APBB2: variants seen among roughly 807,000 people sequenced by gnomAD.
APBB2 encodes Fe65-like 1.
APBB2 carries 38 observed loss-of-function variants against 82.5 expected under a neutral mutation model. The observed-to-expected ratio is 0.46, with a 90% CI of 0.36 to 0.60. APBB2 has a LOEUF of 0.60. APBB2 is among the 20% of genes least tolerant of loss of function. The pLI, the probability that APBB2 is intolerant of heterozygous loss-of-function variation, is 0.00. For synonymous variants in APBB2, 341 were observed against 368.2 expected, an observed-to-expected ratio of 0.93 and a Z score of 0.85; for missense variants, 772 against 972.3, an observed-to-expected ratio of 0.79 and a Z score of 2.74.
chr4:40,921,820 A>G (rs1443709512), intron 10 of APBB2, among the ~76,000 whole-genome samples: 1 of 152,176 alleles, frequency 6.6e-6, no homozygotes, highest in Non-Finnish European at 1.5e-5. Context: ...ACACGGGTCC[A>G]TTTTCCAGCT....
rs59722049 is a variant in APBB2 at position 41,064,827 on chromosome 4, G to A, written c.-51+749C>T. ...CCCTCCCTAATACATATTAAACAGA[G>A]ACATACCCAGGGGACCTCTCTTCTG... On this transcript the variant is annotated intron_variant, in intron 4 of 17. Coordinates refer to ENST00000508593, the MANE Select transcript of APBB2 (RefSeq NM_004307.2). Among the ~76,000 whole-genome samples, 1,375 of 152,250 alleles carry A rather than the reference G, an allele frequency of 9.0e-3. 27 individuals are homozygous for A. Among genetic ancestry groups the A allele is most frequent in the African/African-American group, 0.032 (1,312 of 41,530 alleles).
chr4:40,988,637 CAAAAA>C (rs1310590730), intron 6 of APBB2, among the ~76,000 whole-genome samples: 1 of 30,660 alleles, frequency 3.3e-5, no homozygotes, highest in Non-Finnish European at 5.9e-5. Flanking sequence ...GACTCCGTCT[CAAAAA>C]AAAAAAAAAA....
rs113572067 is a variant in APBB2 at position 40,828,580 on chromosome 4, A to AT, written c.1645-1362_1645-1361insA. Among the ~76,000 whole-genome samples, 215 of 152,052 alleles carry AT rather than the reference A, an allele frequency of 1.4e-3. 3 individuals carry two copies. In the East Asian group the frequency reaches 0.02, roughly 14 times the overall value. On this transcript the variant is annotated intron_variant, in intron 13 of 17. Transcript: ENST00000508593. ...GAATATAAGCTCCATAAGGGCAAGG[A>AT]CTTTTTTTTTTCTGTTTTGGTCATT...
intron 6 of APBB2, among the ~76,000 whole-genome samples, chr4:41,012,229 T>C (rs1171936884): frequency 6.6e-6 from 1 of 152,168 alleles, no homozygotes; most frequent in East Asian, 1.9e-4. Flanking sequence ...AAGGGTGCCA[T>C]GACCAGAGGG....
intron 10 of APBB2, among the ~76,000 whole-genome samples, chr4:40,899,839 C>G (rs1370764848): frequency 6.6e-6 from 1 of 152,064 alleles, no homozygotes; most frequent in African/African-American, 2.4e-5. Flanking sequence ...CCAGGTGGGG[C>G]AGGGGATGCA....
At chr4:40,820,742 G>T (rs1747577193) in intron 17 of APBB2, among the ~76,000 whole-genome samples, 2 of 152,044 alleles carry the variant, frequency 1.3e-5, no homozygotes, top group South Asian at 4.2e-4. Context: ...AGAAAATCAG[G>T]CCCCCACACG....
At chr4:41,162,670 A>G (rs1381259567) in intron 1 of APBB2, among the ~76,000 whole-genome samples, 5 of 152,130 alleles carry the variant, frequency 3.3e-5, no homozygotes, top group African/African-American at 1.2e-4. Context: ...CCTGGGCAAC[A>G]TGGCAAGACC....
chr4:40,837,533 A>G (rs1399821338), intron 12 of APBB2, among the ~76,000 whole-genome samples: 1 of 152,142 alleles, frequency 6.6e-6, no homozygotes, highest in Non-Finnish European at 1.5e-5. Flanking sequence ...AGTTTTTCCA[A>G]CAGCTTCTAG....
At chr4:41,149,098 C>T (rs559307169) in intron 1 of APBB2, among the ~76,000 whole-genome samples, 35 of 152,168 alleles carry the variant, frequency 2.3e-4, no homozygotes, top group Middle Eastern at 3.4e-3. Flanking sequence ...ATATGAAGGG[C>T]GCTCTGAGGT....
chr4:41,045,395 G>A (rs534048303), intron 4 of APBB2, among the ~76,000 whole-genome samples: 8 of 152,114 alleles, frequency 5.3e-5, no homozygotes, highest in East Asian at 3.9e-4. Flanking sequence ...CCATGTTCAC[G>A]CCATTCTCCT....
At chr4:40,898,823 A>C (rs2154355726) in intron 10 of APBB2, among the ~76,000 whole-genome samples, 1 of 148,310 alleles carries the variant, frequency 6.7e-6, no homozygotes, top group African/African-American at 2.5e-5. Flanking sequence ...CATCTCAAAA[A>C]AAAAAGAAAG....
chr4:40,893,104 T>C, intron 11 of APBB2, 161 bp downstream of exon 11: 1 of 771,712 alleles, frequency 1.3e-6, no homozygotes, highest in South Asian at 2.1e-5. Context: ...AAGGGATCAG[T>C]CACACGGGGG....
At chr4:41,208,415 C>T (rs1225169186) in intron 1 of APBB2, among the ~76,000 whole-genome samples, 1 of 152,134 alleles carries the variant, frequency 6.6e-6, no homozygotes, top group Non-Finnish European at 1.5e-5. Context: ...GCGTGTGCCA[C>T]CATGCCCGGC....
intron 6 of APBB2, among the ~76,000 whole-genome samples, chr4:40,994,356 C>T (rs563962594): frequency 6.0e-5 from 9 of 151,046 alleles, no homozygotes; most frequent in Non-Finnish European, 8.8e-5. Flanking sequence ...CTAGCTGCAA[C>T]GAGATTTTCT....
Position 41,193,608 on chromosome 4 carries a change from C to T in APBB2, c.-417+20797G>A. ...GTCAGTGAGCTTAACATGTTCCTTG[C>T]GGAGGCTGCTGTTTTCTGCATTATT... On this transcript the variant is annotated intron_variant, in intron 1 of 17. Transcript: ENST00000508593. 57 of 980,128 alleles carry T rather than the reference C, an allele frequency of 5.8e-5. 1 individual carries two copies. The Admixed American group carries it at 9.2e-4, about 16-fold the overall frequency. 60.7% of individuals were successfully genotyped at this position (980,128 alleles called of 1,614,324 possible). A position where few individuals can be genotyped will look rare whatever the true frequency, so the allele number is the denominator to read the frequency against.
At position 41,013,802 on chromosome 4, in the gene APBB2, A is replaced by G. The variant is rs1809086570; in HGVS notation, c.616T>C (p.Leu206=). The part of the protein sequence containing the change: ...QASTIIGNGD[L]LLQKPNRPQS... ...GGTCTGTTTGGTTTCTGCAGCAGCA[A>G]ATCGCCATTCCCAATGATGGTGGAG... Residue 206 remains leucine, a synonymous_variant, in exon 6 of 18, where the codon TTG becomes CTG. Coordinates refer to ENST00000508593, the MANE Select transcript of APBB2 (RefSeq NM_004307.2). The G allele has an allele frequency of 6.2e-7, 1 of 1,614,186 alleles. No homozygotes were observed. Among genetic ancestry groups the G allele is most frequent in the Non-Finnish European group, 8.5e-7 (1 of 1,180,030 alleles).
chr4:41,081,325 T>A (rs1382557190), intron 3 of APBB2, among the ~76,000 whole-genome samples: 1 of 152,060 alleles, frequency 6.6e-6, no homozygotes, highest in Non-Finnish European at 1.5e-5. Context: ...TACAATCTAA[T>A]CACCACAGCT....
chr4:41,065,286 A>G (rs1731318793), intron 4 of APBB2, among the ~76,000 whole-genome samples: 1 of 152,212 alleles, frequency 6.6e-6, no homozygotes, highest in African/African-American at 2.4e-5. Context: ...CCCTGTCTCA[A>G]AAAAGAAAAG....
intron 10 of APBB2, among the ~76,000 whole-genome samples, chr4:40,922,607 ATTAT>A (rs1191708119): frequency 6.6e-6 from 1 of 151,930 alleles, no homozygotes; most frequent in Non-Finnish European, 1.5e-5. Context: ...TGGCATCTGA[ATTAT>A]TTATTTACTT....
Sources: allele counts gnomAD v4.1 joint callset (sites outside exome capture counted in the v4.1 genomes callset), GRCh38; gene constraint gnomAD v4.1.1; transcripts MANE v1.5; gene names NCBI Gene and HGNC (gene_info 2026-07-23, HGNC 2026-07-21).